PPFIA2: variants seen among roughly 807,000 people sequenced by gnomAD.
PPFIA2 encodes PPFI scaffold protein A2.
In PPFIA2, 46 loss-of-function variants were observed where a neutral mutation model predicts 175.5. That is an observed-to-expected ratio of 0.26 (90% CI 0.21 to 0.34). The LOEUF (loss-of-function observed/expected upper bound fraction) is 0.34, where lower values mean the gene tolerates loss of function less well. PPFIA2 is among the 10% of genes least tolerant of loss of function. The pLI is 1.00. For missense variants in PPFIA2, 1,179 were observed against 1,506.1 expected (o/e 0.78, Z 3.60); for synonymous variants, 568 against 511.4 (o/e 1.11, Z -1.49).
intron 3 of PPFIA2, among the ~76,000 whole-genome samples, chr12:81,732,083 A>G (rs76193335): frequency 0.013 from 1,992 of 151,714 alleles, 40 homozygotes; most frequent in African/African-American, 0.045. Flanking sequence ...AGTAATTAGA[A>G]AATATCATAT....
intron 3 of PPFIA2, among the ~76,000 whole-genome samples, chr12:81,739,497 T>G (rs2082072026): frequency 6.6e-6 from 1 of 152,204 alleles, no homozygotes; most frequent in Admixed American, 6.5e-5. Flanking sequence ...TATTTAGAAC[T>G]GATTTTATCT....
At chr12:81,667,407 C>A (rs548319515) in intron 4 of PPFIA2, among the ~76,000 whole-genome samples, 13 of 152,086 alleles carry the variant, frequency 8.5e-5, no homozygotes, top group African/African-American at 3.1e-4. Flanking sequence ...TCTTGAAAAC[C>A]ATTAGAATTT....
intron 3 of PPFIA2, among the ~76,000 whole-genome samples, chr12:81,745,754 T>C (rs1276008966): frequency 6.6e-6 from 1 of 152,206 alleles, no homozygotes; most frequent in Non-Finnish European, 1.5e-5. Flanking sequence ...TTGAAACTCC[T>C]TCATCTGCTA....
At chr12:81,344,743 C>A (rs1274656465) in intron 18 of PPFIA2, 50 bp from the exon 19 acceptor site, 3 of 1,377,224 alleles carry the variant, frequency 2.2e-6, no homozygotes, top group African/African-American at 1.4e-5. Context: ...TAAGAATTAA[C>A]AATCATTTGA....
chr12:81,472,744 C>T (rs1246332967), intron 4 of PPFIA2: 1 of 151,594 alleles, frequency 6.6e-6, no homozygotes, highest in South Asian at 2.1e-4. Context: ...CCTTCCCCAG[C>T]AAAAAAACAA....
intron 21 of PPFIA2, among the ~76,000 whole-genome samples, chr12:81,330,633 T>G (rs1409680041): frequency 6.6e-6 from 1 of 152,214 alleles, no homozygotes; most frequent in African/African-American, 2.4e-5. Context: ...TAGAAATTGC[T>G]TGACAAACCC....
chr12:81,333,272 C>T (rs1236113712), intron 21 of PPFIA2, among the ~76,000 whole-genome samples: 10 of 152,170 alleles, frequency 6.6e-5, no homozygotes, highest in Non-Finnish European at 1.5e-4. Context: ...TACTTTGGTT[C>T]TAGTTTCGTA....
At chr12:81,537,938 C>A (rs1357785907) in intron 4 of PPFIA2, among the ~76,000 whole-genome samples, 1 of 151,832 alleles carries the variant, frequency 6.6e-6, no homozygotes, top group Non-Finnish European at 1.5e-5. Context: ...TGATTTTGTT[C>A]AGGACACTAA....
intron 3 of PPFIA2, among the ~76,000 whole-genome samples, chr12:81,699,542 C>T (rs539413517): frequency 9.1e-5 from 11 of 121,242 alleles, no homozygotes; most frequent in Admixed American, 1.8e-4. Flanking sequence ...ATAATAATAT[C>T]CTCTCTAAAA....
intron 3 of PPFIA2, among the ~76,000 whole-genome samples, chr12:81,723,430 GA>G (rs2079614955): frequency 6.6e-6 from 1 of 150,936 alleles, no homozygotes; most frequent in South Asian, 2.1e-4. Flanking sequence ...AAAAGTCAAT[GA>G]ACTTTCTTAA....
intron 4 of PPFIA2, among the ~76,000 whole-genome samples, chr12:81,518,090 AAAAC>A (rs1373775542): frequency 3.3e-5 from 5 of 152,144 alleles, no homozygotes; most frequent in African/African-American, 1.2e-4. Flanking sequence ...AAAGTATAAT[AAAAC>A]AAACAAACAA....
At chr12:81,464,942 G>C (rs2055330106) in intron 4 of PPFIA2, among the ~76,000 whole-genome samples, 1 of 151,380 alleles carries the variant, frequency 6.6e-6, no homozygotes. Context: ...GCTTACTTGA[G>C]GAGGTTTAAT....
intron 4 of PPFIA2, among the ~76,000 whole-genome samples, chr12:81,495,326 C>T (rs554043303): frequency 1.5e-4 from 22 of 151,592 alleles, no homozygotes; most frequent in Admixed American, 2.6e-4. Flanking sequence ...GCTATTCTAC[C>T]CTCACCATTT....
chr12:81,755,834 A>G lies in PPFIA2; in HGVS notation c.-2-1611T>C, dbSNP rs551885683. ...GTATGCACACTAAAATATATAACAG[A>G]GAACACACATAAAATGAATATAAGC... is the stretch of plus-strand genomic sequence containing the variant. On this transcript the variant is annotated intron_variant, in intron 2 of 32. Transcript: ENST00000549396. 9.9e-5 allele frequency among the ~76,000 whole-genome samples: 15 copies of G among 152,264 alleles called. No individual in the cohort carries two copies. The South Asian group carries it at 2.9e-3, about 29-fold the overall frequency.
At position 81,360,055 on chromosome 12, in the gene PPFIA2, A is replaced by G. The variant is rs76863029; in HGVS notation, c.1638-1838T>C. 3.1e-3 allele frequency among the ~76,000 whole-genome samples: 475 copies of G among 151,958 alleles called. 1 individual carries two copies. Among genetic ancestry groups the G allele is most frequent in the African/African-American group, 0.011 (456 of 41,510 alleles). On this transcript the variant is annotated intron_variant, in intron 15 of 32. Transcript: ENST00000549396. ...TTGTGTTCTCCTGAAAACAGTCTCA[A>G]CACATGTGGTTAACAGTTTTAAGGT...
In PPFIA2 at chr12:81,754,218, T is replaced by A. The variant is rs371087102; in HGVS notation, c.4A>T (p.Met2Leu). 1.3e-6 allele frequency: 2 copies of A among 1,595,726 alleles called. No individual in the cohort carries two copies. Among genetic ancestry groups the A allele is most frequent in the Non-Finnish European group, 1.7e-6 (2 of 1,169,008 alleles). ...TTAATCGTGGGCATCACTTCACACA[T>A]CATTGCTTAAAGAAAGTAAGTGGGA... M[M>L]CEVMPTINED... is the part of the protein sequence containing the mutation. The change falls in exon 3 of 33, where the codon ATG becomes TTG. Residue 2 changes from methionine (M) to leucine (L), a missense_variant. This residue lies in a region of PPFIA2 where 128 missense variants were observed against 141.4 expected (regional missense o/e 0.91). Transcript: ENST00000549396.
At chr12:81,375,473 A>G (rs955018804) in intron 10 of PPFIA2, among the ~76,000 whole-genome samples, 3 of 152,118 alleles carry the variant, frequency 2.0e-5, no homozygotes, top group African/African-American at 7.2e-5. Context: ...TAGTGTCTTT[A>G]CTACAATAAC....
rs534005475 is a variant in PPFIA2 at position 81,587,399 on chromosome 12, A to G, written c.303+89392T>C. 9.9e-5 allele frequency among the ~76,000 whole-genome samples: 15 copies of G among 152,058 alleles called. No individual in the cohort carries two copies. The South Asian group carries it at 2.9e-3, about 29-fold the overall frequency. On this transcript the variant is annotated intron_variant, in intron 4 of 32. Transcript: ENST00000549396. ...GCCTTCTTCCCCTTCCACCATGATT[A>G]TAAGTTTCCTGAGGCCTCTCTACCC...
chr12:81,610,818 C>T (rs549986968), intron 4 of PPFIA2, among the ~76,000 whole-genome samples: 2 of 152,104 alleles, frequency 1.3e-5, no homozygotes, highest in Non-Finnish European at 2.9e-5. Context: ...TCAAGAGTTC[C>T]GGAACTGATT....
Sources: allele counts gnomAD v4.1 joint callset (sites outside exome capture counted in the v4.1 genomes callset), GRCh38; gene constraint gnomAD v4.1.1; regional missense constraint gnomAD v4.1.1; transcripts MANE v1.5; gene names NCBI Gene and HGNC (gene_info 2026-07-23, HGNC 2026-07-21).